Variants in IL1RAPL2 observed in about 807,000 individuals in gnomAD.
The protein encoded by IL1RAPL2 is interleukin 1 receptor accessory protein like 2.
A neutral mutation model predicts 44.1 loss-of-function variants in IL1RAPL2; 3 were observed. That is an observed-to-expected ratio of 0.07 (90% CI 0.03 to 0.18). The LOEUF (loss-of-function observed/expected upper bound fraction) is 0.18. Ranked by LOEUF, IL1RAPL2 falls within the 10% of genes least tolerant of loss-of-function variation. The probability of loss-of-function intolerance (pLI) is 1.00; values close to 1 mark genes in which losing one functional copy is unlikely to be tolerated. For synonymous variants in IL1RAPL2, 181 were observed against 178.8 expected, an observed-to-expected ratio of 1.01 and a Z score of -0.10; for missense variants, 391 against 496.4, an observed-to-expected ratio of 0.79 and a Z score of 2.02.
chrX:105,025,894 A>G (rs989686133), intron 2 of IL1RAPL2, among the ~76,000 whole-genome samples: 5 of 111,582 alleles, frequency 4.5e-5, no homozygotes. Context: ...GAGGAAACAC[A>G]TTAATGAGTC....
chrX:104,717,324 T>C (rs1387747277), intron 2 of IL1RAPL2, among the ~76,000 whole-genome samples: 1 of 109,473 alleles, frequency 9.1e-6, no homozygotes, highest in East Asian at 2.9e-4. Flanking sequence ...GGTACTAGGT[T>C]TAATACCTGA....
At chrX:105,055,809 G>C (rs2031984856) in intron 2 of IL1RAPL2, among the ~76,000 whole-genome samples, 1 of 110,122 alleles carries the variant, frequency 9.1e-6, no homozygotes, top group South Asian at 3.8e-4. Flanking sequence ...GTTTTTTCCT[G>C]AAAAAGCCCA....
At position 104,904,834 on chromosome X, in the gene IL1RAPL2, T is replaced by G. The variant is rs769202817; in HGVS notation, c.82+245839T>G. On this transcript the variant is annotated intron_variant, in intron 2 of 10. Transcript: ENST00000372582. Reference sequence around the variant, plus strand: ...TATATACCCAGTAATGGGATGGCTGTGTCAAATGGTATTTCTAGTTCTAGA... The same window carrying G: ...TATATACCCAGTAATGGGATGGCTGGGTCAAATGGTATTTCTAGTTCTAGA... Among the ~76,000 whole-genome samples the G allele has an allele frequency of 4.7e-4, 52 of 110,310 alleles. 2 individuals are homozygous for G. Among genetic ancestry groups the G allele is most frequent in the Admixed American group, 2.0e-3 (21 of 10,390 alleles).
At position 104,645,567 on chromosome X, in the gene IL1RAPL2, G is replaced by T. The variant is rs1930020023; in HGVS notation, c.-19-13328G>T. 1.8e-5 allele frequency among the ~76,000 whole-genome samples: 2 copies of T among 111,982 alleles called. 1 individual carries two copies. Among genetic ancestry groups the T allele is most frequent in the African/African-American group, 6.5e-5 (2 of 30,920 alleles). On this transcript the variant is annotated intron_variant, in intron 1 of 10. Coordinates refer to ENST00000372582, the MANE Select transcript of IL1RAPL2 (RefSeq NM_017416.2). ...GAAGTCACTTTCTCCAGACACCTTT[G>T]TCTTTCTCATAAACATGAGTTTGAT...
At chrX:105,386,318 G>C (rs2035475971) in intron 5 of IL1RAPL2, among the ~76,000 whole-genome samples, 1 of 111,027 alleles carries the variant, frequency 9.0e-6, no homozygotes, top group Admixed American at 9.6e-5. Context: ...TCACTGTTTG[G>C]AATGTGACTA....
intron 5 of IL1RAPL2, among the ~76,000 whole-genome samples, chrX:105,395,350 AAAAAGAGATATTCTTAATTTTTTTT>A (rs2035554233): frequency 9.1e-6 from 1 of 110,462 alleles, no homozygotes; most frequent in East Asian, 2.8e-4. Flanking sequence ...CATCATAAAG[AAAAAGAGATATTCTTAATTTTTTTT>A]AATTAAAAAA....
chrX:105,730,605 A>ATGTT (rs2038398364), intron 7 of IL1RAPL2, among the ~76,000 whole-genome samples: 1 of 111,272 alleles, frequency 9.0e-6, no homozygotes, highest in Non-Finnish European at 1.9e-5. Context: ...AATAGACCAT[A>ATGTT]TGTTAGGACA....
At chrX:105,290,567 A>G (rs1301639088) in intron 5 of IL1RAPL2, among the ~76,000 whole-genome samples, 2 of 112,016 alleles carry the variant, frequency 1.8e-5, no homozygotes, top group Admixed American at 9.5e-5. Flanking sequence ...GACTAGAGAG[A>G]AAGTCAAGGG....
chrX:104,891,681 A>G (rs1923444482), intron 2 of IL1RAPL2, among the ~76,000 whole-genome samples: 1 of 112,229 alleles, frequency 8.9e-6, no homozygotes. Flanking sequence ...TTATCAGCTT[A>G]TGGAGATTTT....
At chrX:105,730,065 A>G (rs190092275) in intron 7 of IL1RAPL2, among the ~76,000 whole-genome samples, 1 of 111,599 alleles carries the variant, frequency 9.0e-6, no homozygotes, top group East Asian at 2.8e-4. Context: ...CTTAAAAGAT[A>G]TAGATTGGCT....
At chrX:104,883,476 T>C (rs187497245) in intron 2 of IL1RAPL2, among the ~76,000 whole-genome samples, 230 of 111,430 alleles carry the variant, frequency 2.1e-3, no homozygotes, top group Non-Finnish European at 2.4e-3. Flanking sequence ...ACAAGTTGGT[T>C]GACCCTGTGA....
At chrX:105,489,788 TC>T (rs2036300636) in intron 6 of IL1RAPL2, among the ~76,000 whole-genome samples, 1 of 7,136 alleles carries the variant, frequency 1.4e-4, no homozygotes, top group African/African-American at 1.7e-3. Context: ...TTTCTCTCTT[TC>T]TCTCTCTCTC....
chrX:104,569,148 A>G (rs1453891777), intron 1 of IL1RAPL2, among the ~76,000 whole-genome samples: 5 of 112,273 alleles, frequency 4.5e-5, no homozygotes, highest in Non-Finnish European at 9.4e-5. Context: ...CCTATAGGTC[A>G]AGGCCAGACC....
intron 2 of IL1RAPL2, among the ~76,000 whole-genome samples, chrX:105,000,631 C>CTA (rs1330740621): frequency 3.6e-5 from 4 of 111,347 alleles, no homozygotes; most frequent in African/African-American, 1.3e-4. Context: ...ATTGCATTGA[C>CTA]TAAAGTACAA....
At chrX:105,112,119 G>A (rs1430397766) in intron 2 of IL1RAPL2, among the ~76,000 whole-genome samples, 1 of 111,596 alleles carries the variant, frequency 9.0e-6, no homozygotes, top group Non-Finnish European at 1.9e-5. Context: ...TATATCCACA[G>A]CATTGGGAGA....
At position 105,083,496 on chromosome X, in the gene IL1RAPL2, G is replaced by A. The variant is rs368093425; in HGVS notation, c.83-111979G>A. ...AAGTATCTACTTTGTCAAGTAGAGC[G>A]ACCCCAAGACACATAATTATCAGAT... On this transcript the variant is annotated intron_variant, in intron 2 of 10. Transcript: ENST00000372582. Among the ~76,000 whole-genome samples the A allele has an allele frequency of 4.8e-4, 53 of 110,429 alleles. 3 individuals are homozygous for A. Among genetic ancestry groups the A allele is most frequent in the Admixed American group, 2.9e-3 (30 of 10,352 alleles).
At chrX:105,143,560 A>G (rs1351886180) in intron 2 of IL1RAPL2, among the ~76,000 whole-genome samples, 2 of 112,111 alleles carry the variant, frequency 1.8e-5, no homozygotes, top group Non-Finnish European at 3.8e-5. Context: ...ATCTAGAACT[A>G]GTAATACCAT....
intron 2 of IL1RAPL2, among the ~76,000 whole-genome samples, chrX:104,959,776 A>G (rs916853137): frequency 2.7e-5 from 3 of 110,866 alleles, no homozygotes; most frequent in Non-Finnish European, 3.8e-5. Flanking sequence ...GCAATCCCAT[A>G]TTATACCTTC....
chrX:104,970,204 A>C (rs1018019255), intron 2 of IL1RAPL2, among the ~76,000 whole-genome samples: 6 of 112,157 alleles, frequency 5.3e-5, no homozygotes, highest in Non-Finnish European at 1.1e-4. Context: ...GGATAAATAA[A>C]TTATAGTGTA....
Sources: allele counts gnomAD v4.1 joint callset (sites outside exome capture counted in the v4.1 genomes callset), GRCh38; gene constraint gnomAD v4.1.1; transcripts MANE v1.5; gene names NCBI Gene and HGNC (gene_info 2026-07-23, HGNC 2026-07-21).